CCNYL1: variants seen among roughly 807,000 people sequenced by gnomAD.
The protein encoded by CCNYL1 is cyclin-Y-like protein 1.
Under a neutral mutation model 44.2 loss-of-function variants are expected in CCNYL1, and 16 were observed. The ratio of observed to expected loss-of-function variants is 0.36; its 90% CI spans 0.25 to 0.55. The LOEUF is 0.55. Among genes scored for constraint, CCNYL1 ranks in the 20% least tolerant of loss-of-function variants. The pLI is 0.85. For synonymous variants in CCNYL1, 159 were observed against 163.2 expected (o/e 0.97, Z 0.20); for missense variants, 348 against 451.8 (o/e 0.77, Z 2.08).
intron 2 of CCNYL1, among the ~76,000 whole-genome samples, chr2:207,725,157 G>A (rs1462194799): frequency 2.1e-5 from 3 of 143,474 alleles, no homozygotes; most frequent in African/African-American, 7.7e-5. Flanking sequence ...AGGCTGGAGT[G>A]CCTTTATTGC....
At chr2:207,740,148 A>G (rs2091797175) in intron 5 of CCNYL1, among the ~76,000 whole-genome samples, 1 of 152,198 alleles carries the variant, frequency 6.6e-6, no homozygotes, top group Non-Finnish European at 1.5e-5. Context: ...AAGATTATCA[A>G]AGCCTTGTCT....
intron 3 of CCNYL1, among the ~76,000 whole-genome samples, chr2:207,727,525 C>T (rs1329908974): frequency 1.3e-5 from 2 of 152,208 alleles, no homozygotes; most frequent in Non-Finnish European, 2.9e-5. Flanking sequence ...GCTTTCATGT[C>T]TTTTTTTTTG....
chr2:207,750,075 T>C (rs6759445), intron 8 of CCNYL1, among the ~76,000 whole-genome samples: 23,504 of 152,022 alleles, frequency 0.15, 2,971 homozygotes, highest in East Asian at 0.38. Context: ...TCCTCTCCCA[T>C]TGCATTCAGC....
intron 1 of CCNYL1, among the ~76,000 whole-genome samples, chr2:207,715,338 T>C (rs1014840988): frequency 1.3e-5 from 2 of 148,714 alleles, no homozygotes; most frequent in Non-Finnish European, 3.0e-5. Context: ...TAGACAAAAA[T>C]CATACATAAA....
intron 1 of CCNYL1, among the ~76,000 whole-genome samples, chr2:207,724,507 TGAA>T (rs2091665099): frequency 6.6e-6 from 1 of 152,204 alleles, no homozygotes; most frequent in South Asian, 2.1e-4. Flanking sequence ...TTTGATAAGT[TGAA>T]GGAGGAGGAC....
intron 4 of CCNYL1, among the ~76,000 whole-genome samples, chr2:207,735,175 G>A (rs1575216789): frequency 6.6e-6 from 1 of 152,290 alleles, no homozygotes; most frequent in East Asian, 1.9e-4. Flanking sequence ...TGGAAGTACA[G>A]TAAGTTTTAA....
chr2:207,734,947 G>A (rs976156312), intron 4 of CCNYL1, among the ~76,000 whole-genome samples: 4 of 152,042 alleles, frequency 2.6e-5, no homozygotes, highest in Non-Finnish European at 5.9e-5. Flanking sequence ...CACCTACTGA[G>A]TAATCATTCA....
intron 1 of CCNYL1, among the ~76,000 whole-genome samples, chr2:207,716,543 G>A (rs1242505634): frequency 6.6e-6 from 1 of 152,138 alleles, no homozygotes; most frequent in Non-Finnish European, 1.5e-5. Context: ...TCCAGAGAGT[G>A]CTCCAAGATA....
At chr2:207,715,628 C>T (rs1227684472) in intron 1 of CCNYL1, among the ~76,000 whole-genome samples, 8 of 150,446 alleles carry the variant, frequency 5.3e-5, no homozygotes, top group Admixed American at 4.6e-4. Flanking sequence ...GATCCAGCTG[C>T]CTTGGCCTCC....
In CCNYL1 at chr2:207,754,088, T is replaced by TC. The variant is rs2091914257; in HGVS notation, c.*396dup. The TC allele has an allele frequency of 6.3e-6, 1 of 157,780 alleles. No homozygotes were observed. 9.8% of individuals were successfully genotyped at this position (157,780 alleles called of 1,614,324 possible). ...TTATGTTTCTTCCAGTTTCTCTCCCTCCCCCCGCATTTTGCTGCATATGCC... is the reference window on the plus strand; with the variant it reads ...TTATGTTTCTTCCAGTTTCTCTCCCTCCCCCCCGCATTTTGCTGCATATGCC... On this transcript the variant is annotated 3_prime_UTR_variant, in exon 10 of 10. Transcript: ENST00000295414.
chr2:207,751,161 C>T, intron 9 of CCNYL1, 42 bp downstream of exon 9: 2 of 1,542,566 alleles, frequency 1.3e-6, no homozygotes, highest in Non-Finnish European at 1.8e-6. Flanking sequence ...CCATCAGCCA[C>T]CAAAGCCAAC....
At chr2:207,751,919 C>T (rs2091894990) in intron 9 of CCNYL1, among the ~76,000 whole-genome samples, 1 of 151,650 alleles carries the variant, frequency 6.6e-6, no homozygotes, top group Admixed American at 6.6e-5. Flanking sequence ...CCTGTAATCC[C>T]AGCTACTTGG....
chr2:207,713,067 G>A (rs1010844180), intron 1 of CCNYL1, among the ~76,000 whole-genome samples: 1 of 152,192 alleles, frequency 6.6e-6, no homozygotes, highest in Non-Finnish European at 1.5e-5. Flanking sequence ...GCCCGCCTCG[G>A]CCTCCCAAAG....
intron 1 of CCNYL1, among the ~76,000 whole-genome samples, chr2:207,718,336 A>G (rs1353236958): frequency 6.6e-6 from 1 of 151,948 alleles, no homozygotes; most frequent in African/African-American, 2.4e-5. Context: ...ACGTGCTGAG[A>G]CCCTGCCTCT....
Position 207,754,996 on chromosome 2 carries a change from C to G in CCNYL1, c.*1298C>G, listed in dbSNP as rs1046148830. 1.3e-4 allele frequency: 19 copies of G among 151,982 alleles called. No individual in the cohort carries two copies. Among genetic ancestry groups the G allele is most frequent in the African/African-American group, 4.6e-4 (19 of 41,392 alleles). The allele number at this position is 151,982 out of a possible 1,614,324, so 9.4% of individuals were successfully genotyped here. On this transcript the variant is annotated 3_prime_UTR_variant, in exon 10 of 10. Coordinates refer to ENST00000295414, the MANE Select transcript of CCNYL1 (RefSeq NM_001330218.2). ...GTCAAGTATTGGAGGCTGCAGTGTA[C>G]CATGATGGTGCCTATAGGAATAGCT...
At chr2:207,745,172 A>G (rs990759096) in intron 7 of CCNYL1, among the ~76,000 whole-genome samples, 1 of 152,142 alleles carries the variant, frequency 6.6e-6, no homozygotes, top group African/African-American at 2.4e-5. Context: ...AAATGAGAGG[A>G]CACATCCGGG....
At chr2:207,718,574 A>G (rs1196235099) in intron 1 of CCNYL1, among the ~76,000 whole-genome samples, 1 of 152,248 alleles carries the variant, frequency 6.6e-6, no homozygotes, top group Non-Finnish European at 1.5e-5. Flanking sequence ...TCACAGAAAA[A>G]TAAATGCAGA....
chr2:207,746,639 T>C (rs529576564), intron 7 of CCNYL1, among the ~76,000 whole-genome samples: 1 of 152,368 alleles, frequency 6.6e-6, no homozygotes, highest in African/African-American at 2.4e-5. Flanking sequence ...AAGGCACTTA[T>C]TTTCTGGTCA....
At position 207,726,856 on chromosome 2, in the gene CCNYL1, A is replaced by C. The variant is rs753045950; in HGVS notation, c.310A>C (p.Lys104Gln). 5.1e-6 allele frequency: 8 copies of C among 1,565,752 alleles called. No individual in the cohort carries two copies. The highest frequency in any genetic ancestry group is 1.4e-5 in the African/African-American group (1 of 71,288). The change falls in exon 3 of 10, where the codon AAG becomes CAG. Residue 104 changes from lysine to glutamine, a missense_variant. Around this residue, in one of 3 missense-constraint regions of CCNYL1, gnomAD observed 209 missense variants for 247.7 expected, o/e 0.84. Transcript: ENST00000295414. ...TTTATTCTTAGTGCGAGAAAAGAGG[A>C]AGAGCAACCATTTGAACCATGTAAG... ...KSQTDVREKR[K>Q]SNHLNHVSPG...
Sources: allele counts gnomAD v4.1 joint callset (sites outside exome capture counted in the v4.1 genomes callset), GRCh38; gene constraint gnomAD v4.1.1; regional missense constraint gnomAD v4.1.1; transcripts MANE v1.5; gene names NCBI Gene and HGNC (gene_info 2026-07-23, HGNC 2026-07-21).